WWP1: variants seen among roughly 807,000 people sequenced by gnomAD.
WWP1 encodes NEDD4-like E3 ubiquitin-protein ligase WWP1.
In WWP1, 49 loss-of-function variants were observed where a neutral mutation model predicts 130.6. That is an observed-to-expected ratio of 0.38 (90% CI 0.30 to 0.48). The LOEUF is 0.48. WWP1 is among the 20% of genes least tolerant of loss of function. WWP1 has a pLI of 0.99. For synonymous variants in WWP1, 332 were observed against 367.8 expected (o/e 0.90, Z 1.11); for missense variants, 809 against 1,100.6 (o/e 0.74, Z 3.75).
At chr8:86,394,016 GC>G (rs1407815068) in intron 5 of WWP1, among the ~76,000 whole-genome samples, 1 of 152,208 alleles carries the variant, frequency 6.6e-6, no homozygotes, top group Non-Finnish European at 1.5e-5. Flanking sequence ...CCTCTCAGCA[GC>G]CAGCACCCAC....
intron 8 of WWP1, among the ~76,000 whole-genome samples, chr8:86,404,630 C>T (rs1808173705): frequency 6.6e-6 from 1 of 152,144 alleles, no homozygotes; most frequent in Non-Finnish European, 1.5e-5. Context: ...AAATCTATGA[C>T]AATCGGAAAA....
intron 5 of WWP1, among the ~76,000 whole-genome samples, chr8:86,389,752 C>T (rs1489614912): frequency 6.8e-6 from 1 of 147,434 alleles, no homozygotes; most frequent in Non-Finnish European, 1.5e-5. Context: ...CGCCCCCCCA[C>T]CCACCTCCCG....
At position 86,368,377 on chromosome 8, in the gene WWP1, G is replaced by T. The variant is rs142563904; in HGVS notation, c.-114-562G>T. 3.4e-4 allele frequency among the ~76,000 whole-genome samples: 52 copies of T among 152,250 alleles called. 1 individual carries two copies. The East Asian group carries it at 9.3e-3, about 27-fold the overall frequency. On this transcript the variant is annotated intron_variant, in intron 1 of 24. Coordinates refer to ENST00000517970, the MANE Select transcript of WWP1 (RefSeq NM_007013.4). ...GGGAACCATCATCCACTCAGACAAT[G>T]AAGTGGGAAATTTTAGTTTTTCAGA...
chr8:86,455,492 A>G lies in WWP1; in HGVS notation c.2395-2429A>G, dbSNP rs562131401. 7.2e-5 allele frequency among the ~76,000 whole-genome samples: 11 copies of G among 152,108 alleles called. No homozygotes were observed. The South Asian group carries it at 2.1e-3, about 29-fold the overall frequency. On this transcript the variant is annotated intron_variant, in intron 21 of 24. Coordinates refer to ENST00000517970, the MANE Select transcript of WWP1 (RefSeq NM_007013.4). ...TTTAATAAGGCATGGGTACAATGTT[A>G]ATACTTTAAAAATCAATCGTATTTT...
chr8:86,401,930 TAAG>T, intron 7 of WWP1, 86 bp from the exon 8 acceptor site: 2 of 634,342 alleles, frequency 3.2e-6, no homozygotes, highest in Admixed American at 4.4e-5. Flanking sequence ...AAAAGAAACT[TAAG>T]AGAATTTAGT....
intron 24 of WWP1, among the ~76,000 whole-genome samples, chr8:86,463,080 A>G (rs1400797270): frequency 6.6e-6 from 1 of 152,174 alleles, no homozygotes; most frequent in African/African-American, 2.4e-5. Context: ...TTGAGTTGAA[A>G]GCTGAACTAG....
intron 1 of WWP1, among the ~76,000 whole-genome samples, chr8:86,352,065 G>T: frequency 2.6e-5 from 3 of 114,514 alleles, no homozygotes; most frequent in Non-Finnish European, 1.9e-5. Context: ...TTTGAGAAAA[G>T]GTCTTGTTCT....
chr8:86,355,740 T>G (rs908219286), intron 1 of WWP1, among the ~76,000 whole-genome samples: 7 of 152,176 alleles, frequency 4.6e-5, no homozygotes, highest in African/African-American at 1.7e-4. Flanking sequence ...TCTTTTAACC[T>G]TAAGGAAAGG....
chr8:86,383,040 TAAG>T (rs1825069632), intron 5 of WWP1, among the ~76,000 whole-genome samples: 2 of 152,226 alleles, frequency 1.3e-5, no homozygotes, highest in African/African-American at 2.4e-5. Flanking sequence ...AGTTATGAGT[TAAG>T]AAAATATAAT....
At position 86,442,678 on chromosome 8, in the gene WWP1, A is replaced by T. The variant is rs1810651727; in HGVS notation, c.1898A>T (p.Tyr633Phe). The T allele has an allele frequency of 6.2e-7, 1 of 1,612,340 alleles. No individual in the cohort carries two copies. Among genetic ancestry groups the T allele is most frequent in the Non-Finnish European group, 8.5e-7 (1 of 1,179,582 alleles). Reference sequence around the variant, plus strand: ...AACCCAATGTATTGCTTATTTGAGTATGCGGGCAAGAACAACTATTGTCTG... The same window carrying T: ...AACCCAATGTATTGCTTATTTGAGTTTGCGGGCAAGAACAACTATTGTCTG... ...VLNPMYCLFE[Y>F]AGKNNYCLQI... The change falls in exon 18 of 25, where the codon TAT becomes TTT. Residue 633 changes from tyrosine (Y) to phenylalanine (F), a missense_variant. Tyr to Phe is a conservative substitution (Grantham distance 22). This residue lies in a region of WWP1 where 450 missense variants were observed against 674.2 expected (regional missense o/e 0.67). Transcript: ENST00000517970.
chr8:86,410,420 G>A (rs952421001), intron 8 of WWP1, among the ~76,000 whole-genome samples: 4 of 152,012 alleles, frequency 2.6e-5, no homozygotes, highest in Non-Finnish European at 4.4e-5. Context: ...GAAATTGTAC[G>A]TGGTATTTCT....
At chr8:86,395,133 A>G (rs1487436642) in intron 5 of WWP1, among the ~76,000 whole-genome samples, 8 of 152,168 alleles carry the variant, frequency 5.3e-5, no homozygotes, top group Non-Finnish European at 1.2e-4. Flanking sequence ...CTGTAAAATT[A>G]GGACGTATCA....
chr8:86,386,334 C>T (rs912813148), intron 5 of WWP1, among the ~76,000 whole-genome samples: 1 of 152,046 alleles, frequency 6.6e-6, no homozygotes, highest in African/African-American at 2.4e-5. Context: ...TCTTGAGGCC[C>T]AGAGTTCAAG....
At chr8:86,443,112 G>T (rs1347301060) in intron 18 of WWP1, among the ~76,000 whole-genome samples, 1 of 152,056 alleles carries the variant, frequency 6.6e-6, no homozygotes, top group Non-Finnish European at 1.5e-5. Flanking sequence ...ACAGTCTGTT[G>T]CCCAGGCTGG....
At chr8:86,371,703 T>A (rs1282623158) in intron 2 of WWP1, among the ~76,000 whole-genome samples, 1 of 152,356 alleles carries the variant, frequency 6.6e-6, no homozygotes, top group Admixed American at 6.5e-5. Context: ...GTAAGTATTC[T>A]TATATATGTA....
intron 1 of WWP1, among the ~76,000 whole-genome samples, chr8:86,360,482 G>A (rs930303493): frequency 6.6e-6 from 1 of 152,144 alleles, no homozygotes; most frequent in African/African-American, 2.4e-5. Context: ...TAGTCCTGGG[G>A]TTACCTAGGT....
chr8:86,452,408 G>A (rs191087099), intron 20 of WWP1, 151 bp from the exon 21 acceptor site: 541 of 571,772 alleles, frequency 9.5e-4, no homozygotes, highest in African/African-American at 9.2e-3. Context: ...AAAATTATAT[G>A]TATTCATACA....
chr8:86,379,436 T>C (rs942586521), intron 3 of WWP1, among the ~76,000 whole-genome samples: 6 of 152,196 alleles, frequency 3.9e-5, no homozygotes, highest in African/African-American at 1.4e-4. Context: ...GAAGCTTACA[T>C]AGCTTTGGTT....
intron 5 of WWP1, among the ~76,000 whole-genome samples, chr8:86,395,718 C>G (rs1359926245): frequency 6.6e-6 from 1 of 152,062 alleles, no homozygotes; most frequent in African/African-American, 2.4e-5. Context: ...TAGAGAAAAA[C>G]AGAGTATTTG....
Sources: gnomAD v4.1 joint callset for allele counts (sites outside exome capture counted in the v4.1 genomes callset) on GRCh38, gnomAD v4.1.1 for gene constraint, gnomAD v4.1.1 regional missense constraint, MANE v1.5 for transcripts, NCBI Gene and HGNC (gene_info 2026-07-23, HGNC 2026-07-21) for gene names.